GRIA4: variants seen among roughly 807,000 people sequenced by gnomAD.
GRIA4 encodes the protein glutamate receptor 4.
In GRIA4, 34 loss-of-function variants were observed where a neutral mutation model predicts 104.0. The ratio of observed to expected loss-of-function variants is 0.33; its 90% confidence interval spans 0.25 to 0.44. GRIA4 has a LOEUF of 0.44. Ranked by LOEUF, GRIA4 falls within the 20% of genes least tolerant of loss-of-function variation. The pLI is 1.00. For missense variants in GRIA4, 750 were observed against 1,096.5 expected, an observed-to-expected ratio of 0.68 and a Z score of 4.46; for synonymous variants, 386 against 381.9, an observed-to-expected ratio of 1.01 and a Z score of -0.13.
At chr11:105,976,935 G>A (rs990153658) in intron 16 of GRIA4, among the ~76,000 whole-genome samples, 1 of 151,938 alleles carries the variant, frequency 6.6e-6, no homozygotes, top group African/African-American at 2.4e-5. Context: ...ATAAGTCAAA[G>A]TTTTATTAAG....
chr11:105,970,577 A>G (rs1858633522), intron 14 of GRIA4, among the ~76,000 whole-genome samples: 1 of 152,182 alleles, frequency 6.6e-6, no homozygotes. Flanking sequence ...TACATAGTAA[A>G]TGCTCAGTAA....
At chr11:105,867,442 C>T (rs1446518655) in intron 5 of GRIA4, among the ~76,000 whole-genome samples, 1 of 152,166 alleles carries the variant, frequency 6.6e-6, no homozygotes, top group Admixed American at 6.6e-5. Context: ...GCCTATTTAT[C>T]TAGAGTTTTC....
intron 14 of GRIA4, among the ~76,000 whole-genome samples, chr11:105,969,000 T>C (rs638777): frequency 0.57 from 86,677 of 152,030 alleles, 24,723 homozygotes; most frequent in Middle Eastern, 0.63. Context: ...CTGTTAATTC[T>C]ATACTTTATT....
At chr11:105,718,920 C>T (rs1224878541) in intron 3 of GRIA4, among the ~76,000 whole-genome samples, 1 of 152,024 alleles carries the variant, frequency 6.6e-6, no homozygotes, top group Non-Finnish European at 1.5e-5. Context: ...TTGGAACAAG[C>T]CAGGGGAAAC....
intron 3 of GRIA4, among the ~76,000 whole-genome samples, chr11:105,627,867 C>G (rs2135297353): frequency 6.6e-6 from 1 of 152,260 alleles, no homozygotes; most frequent in Admixed American, 6.5e-5. Flanking sequence ...TAGTCTACTA[C>G]TGATTAAATA....
intron 4 of GRIA4, among the ~76,000 whole-genome samples, chr11:105,829,933 C>T (rs1591317067): frequency 6.6e-6 from 1 of 151,786 alleles, no homozygotes; most frequent in East Asian, 1.9e-4. Flanking sequence ...AAAATAGAAG[C>T]CTGCAGAAAA....
intron 3 of GRIA4, among the ~76,000 whole-genome samples, chr11:105,670,324 T>G (rs1338747636): frequency 6.6e-6 from 1 of 152,152 alleles, no homozygotes; most frequent in Admixed American, 6.6e-5. Flanking sequence ...ATGTCATACA[T>G]TTGTAGAACA....
At position 105,719,883 on chromosome 11, in the gene GRIA4, T is replaced by G. The variant is rs1227697594; in HGVS notation, c.248-33098T>G. ...TCTATACTGTATTTTTCACAGCAAC[T>G]AACACTCTTACAGATCACATTTGCT... On this transcript the variant is annotated intron_variant, in intron 3 of 16. Coordinates refer to ENST00000282499, the MANE Select transcript of GRIA4 (RefSeq NM_000829.4). Among the ~76,000 whole-genome samples the G allele has an allele frequency of 2.0e-5, 3 of 152,096 alleles. No individual in the cohort carries two copies. The East Asian group carries it at 5.8e-4, about 29-fold the overall frequency.
At chr11:105,682,225 T>C (rs903682739) in intron 3 of GRIA4, among the ~76,000 whole-genome samples, 2 of 152,176 alleles carry the variant, frequency 1.3e-5, no homozygotes, top group Non-Finnish European at 2.9e-5. Flanking sequence ...TATTTTATTT[T>C]ACTTTTGAGA....
At chr11:105,894,886 G>A (rs1179892420) in intron 6 of GRIA4, among the ~76,000 whole-genome samples, 3 of 104,146 alleles carry the variant, frequency 2.9e-5, no homozygotes, top group East Asian at 5.7e-4. Context: ...TGCAAGCTCC[G>A]CTTCCCGGGT....
At chr11:105,873,225 TC>T (rs1212312961) in intron 5 of GRIA4, among the ~76,000 whole-genome samples, 2 of 152,154 alleles carry the variant, frequency 1.3e-5, no homozygotes, top group African/African-American at 2.4e-5. Flanking sequence ...GTTTCCAGCT[TC>T]ATCCATGTTC....
chr11:105,925,561 T>C (rs1947682537), intron 12 of GRIA4, among the ~76,000 whole-genome samples: 1 of 152,152 alleles, frequency 6.6e-6, no homozygotes, highest in Non-Finnish European at 1.5e-5. Flanking sequence ...AAATGTATGC[T>C]TTCTCAAAAA....
chr11:105,973,186 G>A (rs1396412250), intron 15 of GRIA4, among the ~76,000 whole-genome samples: 1 of 152,130 alleles, frequency 6.6e-6, no homozygotes, highest in Non-Finnish European at 1.5e-5. Context: ...TGTGACTAAG[G>A]TGACAGTGTA....
intron 4 of GRIA4, among the ~76,000 whole-genome samples, chr11:105,847,102 T>G (rs1944626264): frequency 6.6e-6 from 1 of 151,422 alleles, no homozygotes; most frequent in Non-Finnish European, 1.5e-5. Flanking sequence ...CACAATCTTT[T>G]TGGCACCGGG....
At chr11:105,689,385 A>G (rs540338679) in intron 3 of GRIA4, among the ~76,000 whole-genome samples, 2 of 152,172 alleles carry the variant, frequency 1.3e-5, no homozygotes, top group Non-Finnish European at 2.9e-5. Flanking sequence ...TGAAATGCAA[A>G]TATCCTAGAA....
At chr11:105,764,330 A>C (rs1187109930) in intron 4 of GRIA4, among the ~76,000 whole-genome samples, 1 of 152,036 alleles carries the variant, frequency 6.6e-6, no homozygotes, top group Admixed American at 6.6e-5. Context: ...GAGTAGAGAC[A>C]GGGTTTCACC....
chr11:105,741,336 A>C (rs561099923), intron 3 of GRIA4, among the ~76,000 whole-genome samples: 1 of 152,286 alleles, frequency 6.6e-6, no homozygotes, highest in East Asian at 1.9e-4. Flanking sequence ...GAAACTGTTG[A>C]TATTTGAGTC....
At chr11:105,888,568 G>A (rs925391874) in intron 6 of GRIA4, among the ~76,000 whole-genome samples, 13 of 151,956 alleles carry the variant, frequency 8.6e-5, no homozygotes, top group Admixed American at 8.5e-4. Flanking sequence ...TTACAGGCGT[G>A]AGCCACCACG....
rs190183859 is a variant in GRIA4, at chr11:105,631,882, G to A, written c.247+19448G>A. On this transcript the variant is annotated intron_variant, in intron 3 of 16. Coordinates refer to ENST00000282499, the MANE Select transcript of GRIA4 (RefSeq NM_000829.4). ...TAAAAATAAGACTTAATAAAGTGGA[G>A]TTTAATCTTGAATGAATGAGGAGGT... Among the ~76,000 whole-genome samples the A allele has an allele frequency of 1.8e-3, 281 of 152,230 alleles. 1 individual carries two copies. Among genetic ancestry groups the A allele is most frequent in the Non-Finnish European group, 3.5e-3 (237 of 68,004 alleles).
Sources: allele counts gnomAD v4.1 joint callset (sites outside exome capture counted in the v4.1 genomes callset), GRCh38; gene constraint gnomAD v4.1.1; transcripts MANE v1.5; gene names NCBI Gene and HGNC (gene_info 2026-07-23, HGNC 2026-07-21).